ULK4: variants seen among roughly 807,000 people sequenced by gnomAD.
ULK4 encodes inactive serine/threonine-protein kinase ULK4.
ULK4 carries 133 observed loss-of-function variants against 160.6 expected under a neutral mutation model. The ratio of observed to expected loss-of-function variants is 0.83; its 90% CI spans 0.72 to 0.96. The LOEUF is 0.96. Ranked by LOEUF, ULK4 falls within the 40% of genes least tolerant of loss-of-function variation. The probability of loss-of-function intolerance (pLI) is 0.00; values close to 1 mark genes in which losing one functional copy is unlikely to be tolerated. For synonymous variants in ULK4, 534 were observed against 539.8 expected (o/e 0.99, Z 0.15); for missense variants, 1,580 against 1,499.5 (o/e 1.05, Z -0.89).
chr3:41,897,094 G>T, intron 14 of ULK4, 91 bp from the exon 15 acceptor site: 1 of 1,168,646 alleles, frequency 8.6e-7, no homozygotes, highest in Non-Finnish European at 1.2e-6. Flanking sequence ...AATTACGACA[G>T]CTAAGATGAG....
chr3:41,353,899 T>C (rs2080975278), intron 35 of ULK4, among the ~76,000 whole-genome samples: 1 of 152,040 alleles, frequency 6.6e-6, no homozygotes, highest in African/African-American at 2.4e-5. Context: ...CTAAACACCT[T>C]AGAAGTTTAT....
chr3:41,271,884 C>G (rs1404665230), intron 35 of ULK4, among the ~76,000 whole-genome samples: 1 of 151,988 alleles, frequency 6.6e-6, no homozygotes, highest in Non-Finnish European at 1.5e-5. Context: ...GCTTCTCATT[C>G]CTTTGTGCAG....
Position 41,349,546 on chromosome 3 carries a change from C to T in ULK4, c.3678+48533G>A, listed in dbSNP as rs907093974. Among the ~76,000 whole-genome samples the T allele has an allele frequency of 1.2e-4, 19 of 152,254 alleles. 1 individual carries two copies. The highest frequency in any genetic ancestry group is 1.2e-4 in the Non-Finnish European group (8 of 68,020). ...CAATACTCAACATTTTATGGGCAGACGCATGAGAGGGGCCTTTAGGAGTAG... is the reference window on the plus strand; with the variant it reads ...CAATACTCAACATTTTATGGGCAGATGCATGAGAGGGGCCTTTAGGAGTAG... On this transcript the variant is annotated intron_variant, in intron 35 of 36. Coordinates refer to ENST00000301831, the MANE Select transcript of ULK4 (RefSeq NM_017886.4).
Position 41,739,255 on chromosome 3 carries a change from T to C in ULK4, c.2321+15106A>G, listed in dbSNP as rs796650874. Among the ~76,000 whole-genome samples, 10 of 151,982 alleles carry C rather than the reference T, an allele frequency of 6.6e-5. 1 individual carries two copies. The highest frequency in any genetic ancestry group is 2.4e-4 in the African/African-American group (10 of 41,282). On this transcript the variant is annotated intron_variant, in intron 22 of 36. Coordinates refer to ENST00000301831, the MANE Select transcript of ULK4 (RefSeq NM_017886.4). The stretch of plus-strand genomic sequence containing the variant: ...TAAATTGCATGAACAGTGGCTTAGA[T>C]TCCTTCAACACATACTCCTCTGTGT...
chr3:41,798,860 T>A (rs1368527238), intron 20 of ULK4, among the ~76,000 whole-genome samples: 2 of 152,088 alleles, frequency 1.3e-5, no homozygotes, highest in Non-Finnish European at 2.9e-5. Flanking sequence ...TTGAATTAGG[T>A]TCCCAAGAAG....
intron 17 of ULK4, among the ~76,000 whole-genome samples, chr3:41,848,378 A>T (rs2042122688): frequency 6.6e-6 from 1 of 152,208 alleles, no homozygotes; most frequent in African/African-American, 2.4e-5. Context: ...CTACAAAAGA[A>T]ATCTGCCATT....
At chr3:41,900,692 C>T in intron 13 of ULK4, 33 bp downstream of exon 13, 2 of 1,529,520 alleles carry the variant, frequency 1.3e-6, no homozygotes, top group Non-Finnish European at 1.8e-6. Flanking sequence ...TCAGTAAAGT[C>T]TACAACTCAG....
intron 35 of ULK4, among the ~76,000 whole-genome samples, chr3:41,257,194 A>T (rs567741682): frequency 1.3e-5 from 2 of 152,342 alleles, no homozygotes; most frequent in East Asian, 3.9e-4. Flanking sequence ...CTGCAGTGCA[A>T]TACCTATTAG....
chr3:41,355,975 A>G (rs1197608322), intron 35 of ULK4, among the ~76,000 whole-genome samples: 1 of 152,246 alleles, frequency 6.6e-6, no homozygotes, highest in Non-Finnish European at 1.5e-5. Flanking sequence ...CCATTTTTCT[A>G]GCCTGAAGGA....
intron 2 of ULK4, among the ~76,000 whole-genome samples, chr3:41,942,566 C>T (rs780518559): frequency 6.6e-6 from 1 of 152,018 alleles, no homozygotes; most frequent in Non-Finnish European, 1.5e-5. Context: ...GCCTGTAATG[C>T]CAGCACTTTG....
At chr3:41,630,757 C>A (rs1449703718) in intron 30 of ULK4, among the ~76,000 whole-genome samples, 1 of 152,184 alleles carries the variant, frequency 6.6e-6, no homozygotes, top group Non-Finnish European at 1.5e-5. Flanking sequence ...TTCCCTTCCC[C>A]CTGCCTCCTT....
At chr3:41,425,555 A>T (rs2082759011) in intron 34 of ULK4, among the ~76,000 whole-genome samples, 1 of 152,202 alleles carries the variant, frequency 6.6e-6, no homozygotes, top group South Asian at 2.1e-4. Flanking sequence ...AGGCCAGGTC[A>T]CCTACAAAGG....
At chr3:41,537,160 G>A (rs1161149748) in intron 32 of ULK4, among the ~76,000 whole-genome samples, 2 of 150,884 alleles carry the variant, frequency 1.3e-5, no homozygotes, top group African/African-American at 2.5e-5. Context: ...ATCTGTCCAC[G>A]ATTCGTATCT....
chr3:41,625,783 C>A (rs534629188), intron 30 of ULK4, among the ~76,000 whole-genome samples: 1 of 152,300 alleles, frequency 6.6e-6, no homozygotes, highest in African/African-American at 2.4e-5. Flanking sequence ...AATTTACAGA[C>A]AGCCTGAAGG....
chr3:41,596,165 T>C (rs2031677160), intron 31 of ULK4, among the ~76,000 whole-genome samples: 1 of 152,066 alleles, frequency 6.6e-6, no homozygotes, highest in Non-Finnish European at 1.5e-5. Flanking sequence ...AGGTTTGGTG[T>C]TGGAATGGAA....
chr3:41,337,906 C>T (rs2080597922), intron 35 of ULK4, among the ~76,000 whole-genome samples: 1 of 152,186 alleles, frequency 6.6e-6, no homozygotes, highest in Non-Finnish European at 1.5e-5. Context: ...TAAAGATGGA[C>T]ACTGAAAGCC....
At chr3:41,254,043 G>A (rs1272706547) in intron 35 of ULK4, among the ~76,000 whole-genome samples, 2 of 152,074 alleles carry the variant, frequency 1.3e-5, no homozygotes, top group Non-Finnish European at 2.9e-5. Context: ...ATCCACAATC[G>A]TAGTTGGAGA....
At chr3:41,301,214 C>T (rs942586154) in intron 35 of ULK4, among the ~76,000 whole-genome samples, 2 of 151,964 alleles carry the variant, frequency 1.3e-5, no homozygotes, top group Non-Finnish European at 2.9e-5. Context: ...AAATCAATAC[C>T]CTGCAGGGAT....
chr3:41,596,145 G>A (rs1041925824), intron 31 of ULK4, among the ~76,000 whole-genome samples: 3 of 152,168 alleles, frequency 2.0e-5, no homozygotes, highest in Non-Finnish European at 4.4e-5. Context: ...ATACTTGCCT[G>A]CATGTTGACA....
Sources: allele counts gnomAD v4.1 joint callset (sites outside exome capture counted in the v4.1 genomes callset), GRCh38; gene constraint gnomAD v4.1.1; transcripts MANE v1.5; gene names NCBI Gene and HGNC (gene_info 2026-07-23, HGNC 2026-07-21).